The following PDCD11 variants were observed in gnomAD, a reference collection of about 807,000 sequenced individuals.
PDCD11 encodes protein RRP5 homolog.
PDCD11 carries 97 observed loss-of-function variants against 198.9 expected under a neutral mutation model. The ratio of observed to expected loss-of-function variants is 0.49; its 90% CI spans 0.41 to 0.58. PDCD11 has a LOEUF of 0.58. PDCD11 is among the 20% of genes least tolerant of loss of function. PDCD11 has a pLI of 0.00. For missense variants in PDCD11, 2,102 were observed against 2,312.7 expected (o/e 0.91, Z 1.87); for synonymous variants, 893 against 918.0 (o/e 0.97, Z 0.49).
At chr10:103,430,259 C>T (rs150120855) in intron 21 of PDCD11, among the ~76,000 whole-genome samples, 360 of 152,310 alleles carry the variant, frequency 2.4e-3, no homozygotes, top group African/African-American at 7.6e-3. Flanking sequence ...TCCCAAAGTG[C>T]TGAGATTATA....
intron 19 of PDCD11, 78 bp from the exon 20 acceptor site, chr10:103,424,906 C>T: frequency 6.5e-7 from 1 of 1,531,476 alleles, no homozygotes; most frequent in Admixed American, 1.8e-5. Flanking sequence ...TCCTCAGCCA[C>T]ACCCTGCCCA....
chr10:103,405,257 C>A, intron 5 of PDCD11, 74 bp downstream of exon 5: 1 of 1,449,952 alleles, frequency 6.9e-7, no homozygotes, highest in Non-Finnish European at 9.5e-7. Flanking sequence ...TGGTCTAGGC[C>A]ACCTTTTACT....
chr10:103,441,325 T>G (rs2032375503), intron 30 of PDCD11, among the ~76,000 whole-genome samples: 1 of 152,296 alleles, frequency 6.6e-6, no homozygotes, highest in Admixed American at 6.5e-5. Context: ...TTGTGTGATC[T>G]TGGCTCACTG....
intron 8 of PDCD11, among the ~76,000 whole-genome samples, chr10:103,410,748 C>T (rs1362778424): frequency 6.6e-6 from 1 of 151,638 alleles, no homozygotes; most frequent in East Asian, 1.9e-4. Flanking sequence ...GCTAGGACCA[C>T]AGATGTGTGC....
chr10:103,412,927 G>C (rs191624165), intron 8 of PDCD11, among the ~76,000 whole-genome samples, 189 bp from the exon 9 acceptor site: 20 of 152,310 alleles, frequency 1.3e-4, no homozygotes, highest in African/African-American at 3.4e-4. Flanking sequence ...GTCATACATA[G>C]TCCCTATGGG....
In PDCD11 at chr10:103,423,092, C is replaced by A; in HGVS notation, c.2602C>A (p.Pro868Thr). The A allele has an allele frequency of 6.2e-7, 1 of 1,603,158 alleles. No individual in the cohort carries two copies. The highest frequency in any genetic ancestry group is 8.5e-7 in the Non-Finnish European group (1 of 1,174,600). ...EDGSVVFSGG[P>T]VPDLVLKASR... is the part of the protein sequence containing the mutation. The stretch of plus-strand genomic sequence containing the variant: ...TGGCTCTGTGGTATTCAGTGGGGGT[C>A]CAGTGCCCGACCTGGTCCTGAAAGC... Residue 868 changes from proline to threonine, a missense_variant, in exon 18 of 36, where the codon CCA (proline) becomes ACA (threonine). Coordinates refer to ENST00000369797, the MANE Select transcript of PDCD11 (RefSeq NM_014976.2).
In PDCD11 at chr10:103,423,673, G is replaced by A; in HGVS notation, c.2763+15G>A. The A allele has an allele frequency of 6.5e-7, 1 of 1,528,356 alleles. No homozygotes were observed. The highest frequency in any genetic ancestry group is 9.1e-7 in the Non-Finnish European group (1 of 1,101,798). 94.7% of individuals were successfully genotyped at this position (1,528,356 alleles called of 1,614,324 possible). A position where few individuals can be genotyped will look rare whatever the true frequency, so the allele number is the denominator to read the frequency against. On this transcript the variant is annotated intron_variant, in intron 19 of 35. Transcript: ENST00000369797. ...AAGCTAGAAAGGTAAGCTTGCTCCT[G>A]ACTTCCATTTCCATGGTTTCACATG...
chr10:103,443,936 C>T lies in PDCD11; in HGVS notation c.5146C>T (p.Arg1716Trp), dbSNP rs527360832. ...ACAGGAAGCTGGTGAACTCTACAAC[C>T]GGATGCTGAAGCGTTTCCGGCAGGA... ...KFQEAGELYN[R>W]MLKRFRQEKA... Residue 1716 changes from arginine to tryptophan, a missense_variant, in exon 34 of 36, where the codon CGG becomes TGG. Arg to Trp is a moderately radical substitution (Grantham distance 101). Transcript: ENST00000369797. 37 of 1,614,052 alleles carry T rather than the reference C, an allele frequency of 2.3e-5. No homozygotes were observed. The highest frequency in any genetic ancestry group is 1.3e-4 in the East Asian group (6 of 44,898).
intron 12 of PDCD11, 131 bp downstream of exon 12, chr10:103,415,282 TG>T: frequency 4.5e-6 from 4 of 886,234 alleles, no homozygotes; most frequent in Non-Finnish European, 7.0e-6. Context: ...TACCTGGCAT[TG>T]GGAAGAGAAA....
chr10:103,414,920 G>A, intron 11 of PDCD11, 85 bp from the exon 12 acceptor site: 2 of 1,458,496 alleles, frequency 1.4e-6, no homozygotes, highest in South Asian at 1.2e-5. Context: ...TGGCTGTGAA[G>A]GGGAGGTATG....
chr10:103,407,404 A>T (rs1016293405), intron 7 of PDCD11, among the ~76,000 whole-genome samples: 1 of 152,112 alleles, frequency 6.6e-6, no homozygotes, highest in Non-Finnish European at 1.5e-5. Flanking sequence ...TCTGCTAAAA[A>T]TACAAAAAAT....
At position 103,414,053 on chromosome 10, in the gene PDCD11, A is replaced by C. The variant is rs1361012760; in HGVS notation, c.1273A>C (p.Ser425Arg). Residue 425 changes from serine (S) to arginine (R), a missense_variant, in exon 10 of 36, where the codon AGC becomes CGC. Ser to Arg is a moderately radical substitution (Grantham distance 110). Coordinates refer to ENST00000369797, the MANE Select transcript of PDCD11 (RefSeq NM_014976.2). ...NTHKCRIIDYSQMDELALLSL... is the reference protein window; with the variant it reads ...NTHKCRIIDYRQMDELALLSL... ...TCACAAGTGTAGAATTATTGACTAC[A>C]GCCAAATGGATGAACTGGCCTTGCT... 10 of 1,613,472 alleles carry C rather than the reference A, an allele frequency of 6.2e-6. No individual in the cohort carries two copies. Among genetic ancestry groups the C allele is most frequent in the Non-Finnish European group, 8.5e-6 (10 of 1,179,876 alleles).
chr10:103,401,697 T>A (rs1324890050), intron 3 of PDCD11, among the ~76,000 whole-genome samples: 1 of 152,176 alleles, frequency 6.6e-6, no homozygotes, highest in Non-Finnish European at 1.5e-5. Flanking sequence ...TATATGATAC[T>A]TTAAAAAAAT....
Position 103,398,532 on chromosome 10 carries a change from A to C in PDCD11, c.102+4A>C. The C allele has an allele frequency of 6.3e-7, 1 of 1,579,238 alleles. No homozygotes were observed. Among genetic ancestry groups the C allele is most frequent in the Non-Finnish European group, 8.7e-7 (1 of 1,148,192 alleles). On this transcript the variant is annotated splice_donor_region_variant and intron_variant, in intron 2 of 35. Transcript: ENST00000369797. ...TGAACAAGACAACTTATTTGATGTA[A>C]GTAGTATGCTTGTTTGGTGACACTC...
chr10:103,410,274 A>G (rs2030716643), intron 8 of PDCD11, among the ~76,000 whole-genome samples: 1 of 151,852 alleles, frequency 6.6e-6, no homozygotes, highest in Non-Finnish European at 1.5e-5. Context: ...AAAGTAAGAA[A>G]CTCTCAGTGG....
intron 22 of PDCD11, among the ~76,000 whole-genome samples, chr10:103,432,873 G>A (rs2031995164): frequency 6.6e-6 from 1 of 152,194 alleles, no homozygotes; most frequent in Non-Finnish European, 1.5e-5. Flanking sequence ...CGTGCACCTT[G>A]TGTGGCAGTC....
chr10:103,418,578 C>T lies in PDCD11; in HGVS notation c.2050C>T (p.Gln684Ter). 1.2e-6 allele frequency: 2 copies of T among 1,614,186 alleles called. No homozygotes were observed. Among genetic ancestry groups the T allele is most frequent in the Non-Finnish European group, 1.7e-6 (2 of 1,180,028 alleles). The change falls in exon 15 of 36, where the codon CAG becomes TAG. Residue 684 changes from glutamine to a stop codon, truncating the protein, a stop_gained. Transcript: ENST00000369797. LOFTEE classifies it high-confidence loss of function. The stretch of plus-strand genomic sequence containing the variant: ...CGGCCCATTGTTACATCATTGGCTC[C>T]AGGCAGGTGACATCCTTCACCGAGT... ...ANGPLLHHWL[Q>*]AGDILHRVLC...
In PDCD11 at chr10:103,405,048, C is replaced by G; in HGVS notation, c.429C>G (p.Phe143Leu). Residue 143 changes from phenylalanine to leucine, a missense_variant, in exon 5 of 36, where the codon TTC becomes TTG. Phe to Leu is a conservative substitution (Grantham distance 22). Transcript: ENST00000369797. ...ACCTACTTCACTTGCCTGAACTTTTCTCACCTGGAATGCTGGTAAGATGTG... is the reference window on the plus strand; with the variant it reads ...ACCTACTTCACTTGCCTGAACTTTTGTCACCTGGAATGCTGGTAAGATGTG... ...LKDLLHLPEL[F>L]SPGMLVRCVV... 6.2e-7 allele frequency: 1 copy of G among 1,614,038 alleles called. No individual in the cohort carries two copies. The highest frequency in any genetic ancestry group is 8.5e-7 in the Non-Finnish European group (1 of 1,179,970).
Position 103,438,746 on chromosome 10 carries a change from T to G in PDCD11, c.3963T>G (p.Ile1321Met). Residue 1321 changes from isoleucine (I) to methionine (M), a missense_variant, in exon 27 of 36, where the codon ATT (isoleucine) becomes ATG (methionine). Physicochemically the swap from Ile to Met is conservative, Grantham distance 10. Coordinates refer to ENST00000369797, the MANE Select transcript of PDCD11 (RefSeq NM_014976.2). Reference sequence around the variant, plus strand: ...CAGAGATTAACTCCATCCAGGACATTAAGGAAGGGCAGCTTCTGAGGGGCT... The same window carrying G: ...CAGAGATTAACTCCATCCAGGACATGAAGGAAGGGCAGCTTCTGAGGGGCT... ...EDPEINSIQD[I>M]KEGQLLRGYV... The G allele has an allele frequency of 6.2e-7, 1 of 1,614,082 alleles. No individual in the cohort carries two copies. The highest frequency in any genetic ancestry group is 8.5e-7 in the Non-Finnish European group (1 of 1,180,002).
Sources: gnomAD v4.1 joint callset for allele counts (sites outside exome capture counted in the v4.1 genomes callset) on GRCh38, gnomAD v4.1.1 for gene constraint, MANE v1.5 for transcripts, NCBI Gene and HGNC (gene_info 2026-07-23, HGNC 2026-07-21) for gene names.